The following CNBD1 variants were observed in gnomAD, a reference collection of about 807,000 sequenced individuals.
The protein encoded by CNBD1 is cyclic nucleotide-binding domain-containing protein 1.
CNBD1 carries 71 observed loss-of-function variants against 54.4 expected under a neutral mutation model. The ratio of observed to expected loss-of-function variants is 1.30; its 90% CI spans 1.08 to 1.59. CNBD1 has a LOEUF of 1.59. Ranked by LOEUF, CNBD1 falls within the 40% of genes most tolerant of loss-of-function variation. The probability of loss-of-function intolerance (pLI) is 0.00; values close to 1 mark genes in which losing one functional copy is unlikely to be tolerated. For missense variants in CNBD1, 659 were observed against 518.0 expected (o/e 1.27, Z -2.64); for synonymous variants, 182 against 170.7 (o/e 1.07, Z -0.51).
rs563101926 is a variant in CNBD1 at position 86,907,003 on chromosome 8, G to T, written c.272+1809G>T. ...ATAAAATTAGCTTAAGAATCAAGGG[G>T]AATTTTAAGAATCACATTTTAGAAA... On this transcript the variant is annotated intron_variant, in intron 3 of 10. Transcript: ENST00000518476. Among the ~76,000 whole-genome samples the T allele has an allele frequency of 9.5e-4, 145 of 152,244 alleles. 1 individual carries two copies. In the Middle Eastern group the frequency reaches 0.01, roughly 11 times the overall value.
intron 8 of CNBD1, among the ~76,000 whole-genome samples, chr8:87,326,293 C>T (rs1208084941): frequency 1.6e-5 from 2 of 123,204 alleles, no homozygotes; most frequent in Non-Finnish European, 3.6e-5. Context: ...TGGAGTTGCA[C>T]TTCTCGAGGA....
At chr8:87,398,734 C>A (rs1319748118) in intron 2 of CNBD1, among the ~76,000 whole-genome samples, 1 of 151,950 alleles carries the variant, frequency 6.6e-6, no homozygotes, top group African/African-American at 2.4e-5. Flanking sequence ...ATTCACCATG[C>A]CTCCCATGCT....
chr8:86,957,455 G>T (rs944922914), intron 4 of CNBD1, among the ~76,000 whole-genome samples: 5 of 152,106 alleles, frequency 3.3e-5, no homozygotes, highest in Non-Finnish European at 7.3e-5. Context: ...AATCCAGCTG[G>T]TCCTGGACTT....
intron 8 of CNBD1, among the ~76,000 whole-genome samples, chr8:87,324,610 T>A (rs1385139990): frequency 6.7e-6 from 1 of 150,002 alleles, no homozygotes; most frequent in Non-Finnish European, 1.5e-5. Flanking sequence ...TGTAGTATTC[T>A]CTGATGGTAG....
At chr8:87,196,633 G>T (rs1813728045) in intron 4 of CNBD1, among the ~76,000 whole-genome samples, 1 of 152,174 alleles carries the variant, frequency 6.6e-6, no homozygotes, top group African/African-American at 2.4e-5. Context: ...TTCAGTGGAT[G>T]TCAGCACAGA....
intron 4 of CNBD1, among the ~76,000 whole-genome samples, chr8:86,991,310 G>T (rs1218692071): frequency 6.6e-6 from 1 of 152,008 alleles, no homozygotes; most frequent in Non-Finnish European, 1.5e-5. Context: ...TACCAGCTGT[G>T]TGTCTGTCAT....
At chr8:87,265,716 T>C (rs1808241943) in intron 6 of CNBD1, among the ~76,000 whole-genome samples, 1 of 152,102 alleles carries the variant, frequency 6.6e-6, no homozygotes, top group Admixed American at 6.6e-5. Flanking sequence ...TCACTATATA[T>C]CATTTATGAC....
intron 4 of CNBD1, among the ~76,000 whole-genome samples, chr8:87,022,646 C>A (rs11993907): frequency 0.03 from 4,589 of 152,166 alleles, 237 homozygotes; most frequent in African/African-American, 0.1. Context: ...TTTCCAATTG[C>A]GTACACATTT....
intron 1 of CNBD1, among the ~76,000 whole-genome samples, chr8:86,877,347 C>T (rs1033297924): frequency 1.3e-5 from 2 of 151,982 alleles, no homozygotes; most frequent in Non-Finnish European, 2.9e-5. Flanking sequence ...ATTTTGCATC[C>T]TATTTAAGTC....
chr8:87,127,496 T>A (rs1055174674), intron 4 of CNBD1, among the ~76,000 whole-genome samples: 23 of 152,206 alleles, frequency 1.5e-4, no homozygotes, highest in Admixed American at 5.2e-4. Flanking sequence ...TTATGTGTAT[T>A]AATCTTGAAT....
chr8:87,319,418 C>G (rs893549174), intron 8 of CNBD1, among the ~76,000 whole-genome samples: 1 of 152,078 alleles, frequency 6.6e-6, no homozygotes, highest in Non-Finnish European at 1.5e-5. Flanking sequence ...ATACAATTCT[C>G]TTCTCCTTTG....
At chr8:87,393,114 G>A (rs1156391018) in intron 2 of CNBD1, among the ~76,000 whole-genome samples, 3 of 151,588 alleles carry the variant, frequency 2.0e-5, no homozygotes, top group African/African-American at 7.3e-5. Flanking sequence ...ATTGAAAGTA[G>A]AGTAATTTTG....
chr8:87,377,420 G>A (rs1269185711), intron 10 of CNBD1, among the ~76,000 whole-genome samples: 2 of 150,762 alleles, frequency 1.3e-5, no homozygotes, highest in African/African-American at 4.9e-5. Flanking sequence ...TTTTGTTCTT[G>A]CGATAGTTTA....
At chr8:87,024,812 A>G (rs1809596994) in intron 4 of CNBD1, among the ~76,000 whole-genome samples, 1 of 152,206 alleles carries the variant, frequency 6.6e-6, no homozygotes, top group Non-Finnish European at 1.5e-5. Flanking sequence ...ATCAGTTGCC[A>G]TGGTTTTTGA....
rs148388188 is a variant in CNBD1, at chr8:87,344,361, A to T, written c.1043-7324A>T. ...TATTAAGAAGGAGTTTACAAAGTCT[A>T]ATAAGAAAAACATGAACATTTCAGT... is the stretch of plus-strand genomic sequence containing the variant. On this transcript the variant is annotated intron_variant, in intron 8 of 10. Coordinates refer to ENST00000518476, the MANE Select transcript of CNBD1 (RefSeq NM_173538.3). Among the ~76,000 whole-genome samples the T allele has an allele frequency of 2.2e-3, 341 of 152,234 alleles. 1 individual carries two copies. The highest frequency in any genetic ancestry group is 3.9e-3 in the Non-Finnish European group (267 of 67,948).
At chr8:87,226,691 G>A (rs1450689739) in intron 5 of CNBD1, among the ~76,000 whole-genome samples, 1 of 151,948 alleles carries the variant, frequency 6.6e-6, no homozygotes, top group Non-Finnish European at 1.5e-5. Flanking sequence ...TAGGTGTGGT[G>A]TGGTGCTGAA....
chr8:86,934,268 C>G (rs1809506453), intron 3 of CNBD1, among the ~76,000 whole-genome samples: 1 of 152,086 alleles, frequency 6.6e-6, no homozygotes, highest in African/African-American at 2.4e-5. Context: ...CTTTAAATTA[C>G]ATATTTATGG....
At chr8:87,251,349 G>T (rs750253650) in intron 6 of CNBD1, among the ~76,000 whole-genome samples, 2 of 152,026 alleles carry the variant, frequency 1.3e-5, no homozygotes, top group Non-Finnish European at 2.9e-5. Context: ...CACTTTGGGA[G>T]GCCAAGGCAG....
chr8:87,270,889 G>C (rs1808349207), intron 6 of CNBD1, among the ~76,000 whole-genome samples: 1 of 151,732 alleles, frequency 6.6e-6, no homozygotes, highest in South Asian at 2.1e-4. Flanking sequence ...CAGCAGTGAA[G>C]CTGTAATGTC....
Sources: allele counts gnomAD v4.1 joint callset (sites outside exome capture counted in the v4.1 genomes callset), GRCh38; gene constraint gnomAD v4.1.1; transcripts MANE v1.5; gene names NCBI Gene and HGNC (gene_info 2026-07-23, HGNC 2026-07-21).